CASS4: variants seen among roughly 807,000 people sequenced by gnomAD.
CASS4 encodes Cas scaffold protein family member 4, also known as cas scaffolding protein family member 4.
A neutral mutation model predicts 54.2 loss-of-function variants in CASS4; 22 were observed. The observed-to-expected ratio is 0.41, with a 90% CI of 0.29 to 0.58. The LOEUF (loss-of-function observed/expected upper bound fraction) is 0.58, where lower values mean the gene tolerates loss of function less well. Ranked by LOEUF, CASS4 falls within the 20% of genes least tolerant of loss-of-function variation. The probability of loss-of-function intolerance (pLI) is 0.36; values close to 1 mark genes in which losing one functional copy is unlikely to be tolerated. For missense variants in CASS4, 854 were observed against 986.7 expected (o/e 0.87, Z 1.80); for synonymous variants, 409 against 391.5 (o/e 1.04, Z -0.53).
chr20:56,442,570 C>A (rs890335763), intron 2 of CASS4, among the ~76,000 whole-genome samples: 1 of 151,780 alleles, frequency 6.6e-6, no homozygotes, highest in Non-Finnish European at 1.5e-5. Context: ...CCTCCAGTGC[C>A]TTCTCTCTGT....
rs144183325 is a variant in CASS4 at position 56,444,249 on chromosome 20, C to T, written c.460-1651C>T. ...ACCATGATGAATAGAGGGACCCTGA[C>T]CCAGTCCTCAGAAACTGCTCCTCTG... On this transcript the variant is annotated intron_variant, in intron 2 of 5. Coordinates refer to ENST00000679887, the MANE Select transcript of CASS4 (RefSeq NM_020356.4). Among the ~76,000 whole-genome samples the T allele has an allele frequency of 4.2e-3, 644 of 152,260 alleles. 4 individuals carry two copies. Among genetic ancestry groups the T allele is most frequent in the African/African-American group, 0.015 (610 of 41,544 alleles).
chr20:56,427,396 A>G (rs914421132), intron 1 of CASS4, among the ~76,000 whole-genome samples: 2 of 150,914 alleles, frequency 1.3e-5, no homozygotes, highest in African/African-American at 4.9e-5. Flanking sequence ...TTTTTTTAAC[A>G]TAATATCCTT....
rs74394902 is a variant in CASS4, at chr20:56,458,423, C to T, written c.2037C>T (p.Tyr679=). 1.2e-5 allele frequency: 19 copies of T among 1,614,114 alleles called. No individual in the cohort carries two copies. Among genetic ancestry groups the T allele is most frequent in the South Asian group, 2.2e-5 (2 of 91,082 alleles). ...KPRLSEHCRL[Y]FGALFKAISA... Reference sequence around the variant, plus strand: ...GCTTATCTGAACACTGCCGGCTCTACTTTGGGGCGCTCTTCAAAGCCATCA... The same window carrying T: ...GCTTATCTGAACACTGCCGGCTCTATTTTGGGGCGCTCTTCAAAGCCATCA... Residue 679 remains tyrosine (Y), a synonymous_variant, in exon 6 of 6, where the codon TAC becomes TAT. Transcript: ENST00000679887.
Position 56,412,600 on chromosome 20 carries a change from C to T in CASS4, c.36+106C>T. On this transcript the variant is annotated intron_variant, in intron 1 of 5. Coordinates refer to ENST00000679887, the MANE Select transcript of CASS4 (RefSeq NM_020356.4). This position sits in a 1 kb window ranked among gnomAD's most constrained non-coding sequence, Gnocchi z 4.2. ...TGACTTTCTAATAAAGGTTGAATACCAGTGACGTGTGAGTTGGAGATGGGA... is the reference window on the plus strand; with the variant it reads ...TGACTTTCTAATAAAGGTTGAATACTAGTGACGTGTGAGTTGGAGATGGGA... 1 of 1,164,708 alleles carries T rather than the reference C, an allele frequency of 8.6e-7. No homozygotes were observed. Among genetic ancestry groups the T allele is most frequent in the Admixed American group, 2.3e-5 (1 of 44,296 alleles). 72.1% of individuals were successfully genotyped at this position (1,164,708 alleles called of 1,614,324 possible).
intron 5 of CASS4, 28 bp from the exon 6 acceptor site, chr20:56,458,312 T>C (rs1268516736): frequency 6.3e-6 from 10 of 1,583,726 alleles, no homozygotes; most frequent in East Asian, 4.5e-5. Context: ...TTGAATCTCC[T>C]ATCTATTTTC....
intron 2 of CASS4, among the ~76,000 whole-genome samples, chr20:56,438,835 C>T (rs549776805): frequency 8.3e-4 from 126 of 152,314 alleles, no homozygotes; most frequent in African/African-American, 3.0e-3. Context: ...CCAGCCTGGA[C>T]GCCAAGAGTG....
rs1210501945 is a variant in CASS4, at chr20:56,430,301, TG to T, written c.37-6862del. The stretch of plus-strand genomic sequence containing the variant: ...TCCTCCTCCTGTTCTTCCTTCCAAA[TG>T]CATATTCATTTTCCTTTTCCCTCTC... On this transcript the variant is annotated intron_variant, in intron 1 of 5. Transcript: ENST00000679887. This position sits in a 1 kb window ranked among gnomAD's most constrained non-coding sequence, Gnocchi z 4.2. Among the ~76,000 whole-genome samples, 1 of 152,216 alleles carries T rather than the reference TG, an allele frequency of 6.6e-6. No individual in the cohort carries two copies. Among genetic ancestry groups the T allele is most frequent in the Non-Finnish European group, 1.5e-5 (1 of 68,038 alleles).
At chr20:56,433,167 G>T (rs1055798690) in intron 1 of CASS4, among the ~76,000 whole-genome samples, 14 of 152,344 alleles carry the variant, frequency 9.2e-5, no homozygotes, top group African/African-American at 3.4e-4. Context: ...GAACCCTAAT[G>T]TGACACGTAC....
chr20:56,449,073 T>C (rs1248762806), intron 3 of CASS4, among the ~76,000 whole-genome samples: 1 of 152,170 alleles, frequency 6.6e-6, no homozygotes, highest in African/African-American at 2.4e-5. Context: ...GATCTAGAAC[T>C]AGAAATACCA....
intron 5 of CASS4, among the ~76,000 whole-genome samples, chr20:56,456,341 G>T (rs1981295502): frequency 6.6e-6 from 1 of 151,648 alleles, no homozygotes; most frequent in East Asian, 1.9e-4. Flanking sequence ...CTCATAATCT[G>T]ATGCCTACCT....
intron 5 of CASS4, among the ~76,000 whole-genome samples, chr20:56,457,455 C>T (rs991419370): frequency 2.6e-5 from 4 of 151,924 alleles, no homozygotes; most frequent in Non-Finnish European, 5.9e-5. Context: ...GAAGTTGGTT[C>T]CATTTTCCAG....
chr20:56,412,943 T>C lies in CASS4; in HGVS notation c.36+449T>C, dbSNP rs1288333199. Reference sequence around the variant, plus strand: ...CCGTGCTGAGCCCACAGTGGGCACTTACATGTTATTTTCATGTTAACTTGT... The same window carrying C: ...CCGTGCTGAGCCCACAGTGGGCACTCACATGTTATTTTCATGTTAACTTGT... On this transcript the variant is annotated intron_variant, in intron 1 of 5. Transcript: ENST00000679887. The surrounding 1 kb of genome is among the most constrained non-coding windows in gnomAD (Gnocchi z 4.2). Among the ~76,000 whole-genome samples, 2 of 152,174 alleles carry C rather than the reference T, an allele frequency of 1.3e-5. No homozygotes were observed. The highest frequency in any genetic ancestry group is 2.9e-5 in the Non-Finnish European group (2 of 68,030).
intron 1 of CASS4, among the ~76,000 whole-genome samples, chr20:56,429,077 C>T (rs1979777494): frequency 6.6e-6 from 1 of 152,238 alleles, no homozygotes; most frequent in Non-Finnish European, 1.5e-5. Flanking sequence ...TCCACCCCGG[C>T]CTAGAGAGGG....
intron 5 of CASS4, 93 bp downstream of exon 5, chr20:56,453,222 T>C (rs1322548213): frequency 4.5e-6 from 4 of 897,902 alleles, no homozygotes; most frequent in Admixed American, 2.7e-5. Context: ...CCATAGTGTA[T>C]AGGCTTTGGG....
chr20:56,451,578 T>C (rs1324280918), intron 4 of CASS4, among the ~76,000 whole-genome samples: 1 of 152,090 alleles, frequency 6.6e-6, no homozygotes, highest in Admixed American at 6.5e-5. Flanking sequence ...GTGTTCTGAG[T>C]TCAGGGGAAA....
In CASS4 at chr20:56,458,574, C is replaced by T. The variant is rs746192245; in HGVS notation, c.2188C>T (p.Arg730Cys). 8.1e-6 allele frequency: 13 copies of T among 1,613,970 alleles called. No individual in the cohort carries two copies. Among genetic ancestry groups the T allele is most frequent in the South Asian group, 4.4e-5 (4 of 91,082 alleles). Residue 730 changes from arginine (R) to cysteine (C), a missense_variant, in exon 6 of 6, where the codon CGC becomes TGC. Physicochemically the swap from Arg to Cys is radical, Grantham distance 180. Coordinates refer to ENST00000679887, the MANE Select transcript of CASS4 (RefSeq NM_020356.4). The stretch of plus-strand genomic sequence containing the variant: ...CATGGAGACCCAGGAGAGGGACGTG[C>T]GCAACGAGATCCTCCGTGGCAGCAG... ...LCMETQERDV[R>C]NEILRGSSHL...
In CASS4 at chr20:56,438,487, T is replaced by C. The variant is rs1980301060; in HGVS notation, c.459+901T>C. On this transcript the variant is annotated intron_variant, in intron 2 of 5. Transcript: ENST00000679887. Reference sequence around the variant, plus strand: ...GGCATATCACCACAACAAGCTGCTGTGCAGTTGTTTAAAAAAAGAATGAGG... The same window carrying C: ...GGCATATCACCACAACAAGCTGCTGCGCAGTTGTTTAAAAAAAGAATGAGG... 2.0e-5 allele frequency among the ~76,000 whole-genome samples: 3 copies of C among 152,126 alleles called. 1 individual carries two copies. The South Asian group carries it at 6.2e-4, about 32-fold the overall frequency.
At chr20:56,445,734 G>A (rs1387809778) in intron 2 of CASS4, among the ~76,000 whole-genome samples, 166 bp from the exon 3 acceptor site, 3 of 152,304 alleles carry the variant, frequency 2.0e-5, no homozygotes, top group South Asian at 2.1e-4. Flanking sequence ...CCTCCCACCC[G>A]TGCCCTGCTG....
In CASS4 at chr20:56,456,146, C is replaced by T. The variant is rs946519699; in HGVS notation, c.1954-2194C>T. On this transcript the variant is annotated intron_variant, in intron 5 of 5. Transcript: ENST00000679887. Reference sequence around the variant, plus strand: ...GGAGGCCCGGGGCACCGTTGGCCACCGGGTGGACAGTTCTCCATTGCGTGG... The same window carrying T: ...GGAGGCCCGGGGCACCGTTGGCCACTGGGTGGACAGTTCTCCATTGCGTGG... Among the ~76,000 whole-genome samples the T allele has an allele frequency of 5.1e-4, 78 of 151,954 alleles. 1 individual carries two copies. Among genetic ancestry groups the T allele is most frequent in the East Asian group, 5.8e-4 (3 of 5,186 alleles).
Sources: gnomAD v4.1 joint callset for allele counts (sites outside exome capture counted in the v4.1 genomes callset) on GRCh38, gnomAD v4.1.1 for gene constraint, Gnocchi (gnomAD v3.1) non-coding constraint, MANE v1.5 for transcripts, NCBI Gene and HGNC (gene_info 2026-07-23, HGNC 2026-07-21) for gene names.